The following SP100 variants were observed in gnomAD, a reference collection of about 807,000 sequenced individuals.
SP100 encodes SP100 nuclear body protein.
Under a neutral mutation model 130.0 loss-of-function variants are expected in SP100, and 84 were observed. The observed-to-expected ratio is 0.65, with a 90% CI of 0.54 to 0.77. The LOEUF is 0.77. Ranked by LOEUF, SP100 falls within the 30% of genes least tolerant of loss-of-function variation. The pLI is 0.00. For missense variants in SP100, 978 were observed against 1,052.2 expected (o/e 0.93, Z 0.97); for synonymous variants, 331 against 351.7 (o/e 0.94, Z 0.66).
chr2:230,451,941 C>A (rs567407283), intron 8 of SP100, among the ~76,000 whole-genome samples: 3 of 152,150 alleles, frequency 2.0e-5, no homozygotes, highest in African/African-American at 4.8e-5. Flanking sequence ...TGTTGAAAAT[C>A]AATTGACCAT....
chr2:230,509,695 C>T (rs1476945483), intron 23 of SP100: 1 of 152,156 alleles, frequency 6.6e-6, no homozygotes, highest in Non-Finnish European at 1.5e-5. Context: ...CTCAGCACCG[C>T]GTGGTAACTG....
intron 8 of SP100, among the ~76,000 whole-genome samples, chr2:230,453,813 A>G (rs1446863132): frequency 6.6e-6 from 1 of 152,220 alleles, no homozygotes; most frequent in African/African-American, 2.4e-5. Flanking sequence ...TGGCTTCATA[A>G]AATGAGTTTG....
chr2:230,449,392 T>C (rs1461496963), intron 6 of SP100, 169 bp from the exon 7 acceptor site: 1 of 840,648 alleles, frequency 1.2e-6, no homozygotes, highest in Non-Finnish European at 2.0e-6. Flanking sequence ...AGCCTGGTCG[T>C]TTTACCCATG....
intron 8 of SP100, among the ~76,000 whole-genome samples, chr2:230,459,204 C>G (rs900318596): frequency 1.3e-5 from 2 of 152,022 alleles, no homozygotes; most frequent in African/African-American, 2.4e-5. Flanking sequence ...GAGAAGTATG[C>G]AGAAAATGAG....
At chr2:230,470,915 C>A (rs1168194155) in intron 15 of SP100, among the ~76,000 whole-genome samples, 1 of 151,346 alleles carries the variant, frequency 6.6e-6, no homozygotes, top group African/African-American at 2.4e-5. Context: ...TGTGTGTGTA[C>A]ACATGCATAT....
intron 26 of SP100, 86 bp downstream of exon 26, chr2:230,541,082 G>A: frequency 6.7e-7 from 1 of 1,497,806 alleles, no homozygotes; most frequent in Non-Finnish European, 9.0e-7. Flanking sequence ...TCAAGGAATG[G>A]AGCCCAAAAG....
At chr2:230,496,785 T>C (rs556320207) in intron 18 of SP100, among the ~76,000 whole-genome samples, 151 of 152,304 alleles carry the variant, frequency 9.9e-4, no homozygotes, top group African/African-American at 3.5e-3. Context: ...ACTACACTCC[T>C]GCTGGGGTCA....
chr2:230,449,820 GA>G, intron 7 of SP100, 110 bp downstream of exon 7: 1 of 1,144,064 alleles, frequency 8.7e-7, no homozygotes, highest in Non-Finnish European at 1.3e-6. Flanking sequence ...ACAAGCAGGG[GA>G]AAATCACATA....
chr2:230,537,368 A>T (rs377482974), intron 24 of SP100, among the ~76,000 whole-genome samples: 2 of 152,300 alleles, frequency 1.3e-5, no homozygotes, highest in South Asian at 4.2e-4. Context: ...CCCTAGCAAG[A>T]TCTAGATCAA....
intron 17 of SP100, among the ~76,000 whole-genome samples, chr2:230,474,984 A>G (rs1178038149): frequency 6.6e-5 from 10 of 151,724 alleles, no homozygotes; most frequent in Admixed American, 1.3e-4. Context: ...GAATAGCACT[A>G]TAAGGAACAT....
intron 2 of SP100, among the ~76,000 whole-genome samples, chr2:230,438,361 TG>T (rs2063358124): frequency 6.6e-6 from 1 of 152,110 alleles, no homozygotes; most frequent in Non-Finnish European, 1.5e-5. Flanking sequence ...TCTGAGATTT[TG>T]GTGCATCTGT....
chr2:230,540,032 C>T (rs1692106795), intron 25 of SP100, among the ~76,000 whole-genome samples: 1 of 152,244 alleles, frequency 6.6e-6, no homozygotes, highest in South Asian at 2.1e-4. Context: ...GCTAATGTGA[C>T]CCACCTGCTC....
At chr2:230,515,300 A>G (rs773609394) in intron 24 of SP100, 3 of 1,612,212 alleles carry the variant, frequency 1.9e-6, no homozygotes, top group Middle Eastern at 1.7e-4. Flanking sequence ...AAGGATCCCA[A>G]TGCACCCAAG....
At chr2:230,530,993 T>G (rs1228815632) in intron 24 of SP100, among the ~76,000 whole-genome samples, 1 of 152,204 alleles carries the variant, frequency 6.6e-6, no homozygotes, top group Non-Finnish European at 1.5e-5. Context: ...AGTTCAACCG[T>G]TGTGGAAGAC....
chr2:230,420,710 G>C (rs969522468), intron 2 of SP100, among the ~76,000 whole-genome samples: 2 of 151,274 alleles, frequency 1.3e-5, no homozygotes, highest in Admixed American at 1.3e-4. Context: ...TTATTAATTC[G>C]GTTATTAATT....
chr2:230,482,841 T>C (rs2150021387), intron 17 of SP100, among the ~76,000 whole-genome samples: 1 of 152,292 alleles, frequency 6.6e-6, no homozygotes, highest in African/African-American at 2.4e-5. Flanking sequence ...CTCTCAACTT[T>C]TTTCTCTTTC....
chr2:230,512,998 G>A (rs555496768), intron 24 of SP100, among the ~76,000 whole-genome samples: 2 of 152,328 alleles, frequency 1.3e-5, no homozygotes, highest in Non-Finnish European at 2.9e-5. Flanking sequence ...CTGACAGGAG[G>A]TGGAGCTCAG....
Position 230,474,405 on chromosome 2 carries a change from G to A in SP100, c.1558G>A (p.Val520Ile), listed in dbSNP as rs1350063024. 1.3e-6 allele frequency: 2 copies of A among 1,536,744 alleles called. No individual in the cohort carries two copies. The highest frequency in any genetic ancestry group is 1.8e-6 in the Non-Finnish European group (2 of 1,116,856). The change falls in exon 17 of 29, where the codon GTT becomes ATT. Residue 520 changes from valine to isoleucine, a missense_variant. Transcript: ENST00000340126. ...CTGTCACTTTCTAGATACCATGGATGTTGAAAACAATTCTACTTTGGAAAA... is the reference window on the plus strand; with the variant it reads ...CTGTCACTTTCTAGATACCATGGATATTGAAAACAATTCTACTTTGGAAAA... Reference protein sequence around the residue: ...QASDMMDTMDVENNSTLEKHS... With the variant: ...QASDMMDTMDIENNSTLEKHS...
At chr2:230,477,493 A>G (rs1204103449) in intron 17 of SP100, among the ~76,000 whole-genome samples, 7 of 152,162 alleles carry the variant, frequency 4.6e-5, no homozygotes. Flanking sequence ...TACATATGTA[A>G]TCTACAGGGG....
Sources: allele counts gnomAD v4.1 joint callset (sites outside exome capture counted in the v4.1 genomes callset), GRCh38; gene constraint gnomAD v4.1.1; transcripts MANE v1.5; gene names NCBI Gene and HGNC (gene_info 2026-07-23, HGNC 2026-07-21).